Variants in ABCA4 observed in about 807,000 individuals in gnomAD.
ABCA4 encodes ATP binding cassette subfamily A member 4.
A neutral mutation model predicts 263.7 loss-of-function variants in ABCA4; 196 were observed. That is an observed-to-expected ratio of 0.74 (90% CI 0.66 to 0.84). ABCA4 has a LOEUF of 0.84. Among genes scored for constraint, ABCA4 ranks in the 40% least tolerant of loss-of-function variants. The probability of loss-of-function intolerance (pLI) is 0.00; values close to 1 mark genes in which losing one functional copy is unlikely to be tolerated. For missense variants in ABCA4, 2,792 were observed against 2,855.1 expected (o/e 0.98, Z 0.50); for synonymous variants, 1,133 against 1,094.2 (o/e 1.04, Z -0.70).
intron 1 of ABCA4, among the ~76,000 whole-genome samples, chr1:94,116,644 C>G (rs1662772151): frequency 6.6e-6 from 1 of 152,204 alleles, no homozygotes; most frequent in African/African-American, 2.4e-5. Context: ...CCTGACAGGT[C>G]TGGTTTTCAC....
chr1:94,001,911 G>C lies in ABCA4; in HGVS notation c.6229C>G (p.Arg2077Gly), dbSNP rs61750645. The C allele has an allele frequency of 4.3e-6, 7 of 1,614,086 alleles. No homozygotes were observed. Among genetic ancestry groups the C allele is most frequent in the African/African-American group, 2.7e-5 (2 of 74,920 alleles). The stretch of plus-strand genomic sequence containing the variant: ...AGTGCGATGGCTGTGGAGAGTTTCC[G>C]CTTGTTGCCCCCACTGTACGTGCCA... The part of the protein sequence containing the change: ...LAGTYSGGNK[R>G]KLSTAIALIG... The change falls in exon 45 of 50, where the codon CGG (arginine) becomes GGG (glycine). Residue 2077 changes from arginine to glycine, a missense_variant. Physicochemically the swap from Arg to Gly is moderately radical, Grantham distance 125 (BLOSUM62 -2). Coordinates refer to ENST00000370225, the MANE Select transcript of ABCA4 (RefSeq NM_000350.3).
chr1:94,102,987 G>C (rs888174906), intron 5 of ABCA4, 28 bp downstream of exon 5: 8 of 1,614,008 alleles, frequency 5.0e-6, no homozygotes, highest in Non-Finnish European at 6.8e-6. Flanking sequence ...TCCCCTCCAG[G>C]GACCACTGGC....
At chr1:94,069,790 C>T (rs1316078706) in intron 11 of ABCA4, among the ~76,000 whole-genome samples, 2 of 152,186 alleles carry the variant, frequency 1.3e-5, no homozygotes, top group African/African-American at 4.8e-5. Flanking sequence ...TTTTATCTTG[C>T]ACGCTGGGCA....
At chr1:94,010,681 G>T in intron 40 of ABCA4, 119 bp downstream of exon 40, 1 of 1,452,604 alleles carries the variant, frequency 6.9e-7, no homozygotes. Context: ...CAGGCTTTGA[G>T]AATGTAGAAA....
Position 94,056,800 on chromosome 1 carries a change from CTG to C in ABCA4, c.2181_2182del (p.Tyr727Ter). The C allele has an allele frequency of 6.2e-7, 1 of 1,608,608 alleles. No homozygotes were observed. Among genetic ancestry groups the C allele is most frequent in the Non-Finnish European group, 8.5e-7 (1 of 1,177,276 alleles). ...GAACAGGAAGAGGATGAATGGGTCG[CTG>C]TAATGTAGGATTCTTCCATGCTGAA... On this transcript the variant is annotated stop_gained and frameshift_variant, in exon 15 of 50. Transcript: ENST00000370225. LOFTEE classifies it high-confidence loss of function.
chr1:94,036,349 T>C (rs1660334774), intron 26 of ABCA4, among the ~76,000 whole-genome samples: 1 of 151,014 alleles, frequency 6.6e-6, no homozygotes, highest in Admixed American at 6.6e-5. Flanking sequence ...AGTATTTGCC[T>C]GCTTTGTTGT....
At chr1:94,031,268 T>C (rs1432293339) in intron 27 of ABCA4, 148 bp from the exon 28 acceptor site, 3 of 1,106,872 alleles carry the variant, frequency 2.7e-6, no homozygotes, top group East Asian at 2.6e-5. Flanking sequence ...TGGGGGAACA[T>C]AATAAGCAGG....
chr1:94,062,786 C>G (rs182370278), intron 12 of ABCA4, 33 bp from the exon 13 acceptor site: 19 of 1,608,618 alleles, frequency 1.2e-5, no homozygotes, highest in Middle Eastern at 1.6e-4. Context: ...AGGATGGGAA[C>G]GGGCTTGGAT....
intron 11 of ABCA4, among the ~76,000 whole-genome samples, chr1:94,076,209 G>T (rs1236988440): frequency 6.6e-6 from 1 of 152,172 alleles, no homozygotes; most frequent in Non-Finnish European, 1.5e-5. Context: ...AGTACACAGG[G>T]GTGGGTACAG....
intron 5 of ABCA4, among the ~76,000 whole-genome samples, chr1:94,100,898 C>T (rs1009635107): frequency 6.6e-6 from 1 of 152,194 alleles, no homozygotes. Flanking sequence ...AGCCCCGGAA[C>T]TGGATGGAGG....
chr1:94,043,368 T>C lies in ABCA4; in HGVS notation c.3158A>G (p.His1053Arg). The C allele has an allele frequency of 1.2e-6, 2 of 1,614,124 alleles. No individual in the cohort carries two copies. Among genetic ancestry groups the C allele is most frequent in the African/African-American group, 1.3e-5 (1 of 75,014 alleles). ...EAMLEDTGLH[H>R]KRNEEAQDLS... ...GTCCTGAGCCTCTTCATTCCGCTTG[T>C]GGTGGAGGCCTGTGTCCTCCAACAT... The change falls in exon 21 of 50, where the codon CAC becomes CGC. Residue 1053 changes from histidine to arginine, a missense_variant. Physicochemically the swap from His to Arg is conservative, Grantham distance 29. Transcript: ENST00000370225.
chr1:94,030,634 A>AGCATTCGGTGCCT, intron 28 of ABCA4, 108 bp from the exon 29 acceptor site: 1 of 1,106,306 alleles, frequency 9.0e-7, no homozygotes, highest in Non-Finnish European at 1.4e-6. Context: ...TATTGGAGGC[A>AGCATTCGGTGCCT]CCGAATGCTG....
At chr1:94,052,219 C>T (rs1660858014) in intron 16 of ABCA4, among the ~76,000 whole-genome samples, 1 of 152,182 alleles carries the variant, frequency 6.6e-6, no homozygotes. Context: ...GTAGGAATTC[C>T]AACACAGGTA....
At chr1:94,002,255 C>A (rs1344110282) in intron 44 of ABCA4, among the ~76,000 whole-genome samples, 1 of 152,202 alleles carries the variant, frequency 6.6e-6, no homozygotes, top group Non-Finnish European at 1.5e-5. Context: ...GGACTTCAGC[C>A]TTACAAAGAG....
chr1:94,026,783 C>T (rs1344052029), intron 30 of ABCA4, among the ~76,000 whole-genome samples: 1 of 152,174 alleles, frequency 6.6e-6, no homozygotes, highest in Non-Finnish European at 1.5e-5. Flanking sequence ...TAGAGATGAC[C>T]ACATTGCCCC....
At chr1:94,062,891 T>C in intron 12 of ABCA4, 138 bp from the exon 13 acceptor site, 2 of 1,090,684 alleles carry the variant, frequency 1.8e-6, no homozygotes, top group Non-Finnish European at 2.7e-6. Context: ...TTCTATTTCC[T>C]AGTCCTCAGT....
chr1:94,083,439 A>C lies in ABCA4; in HGVS notation c.771T>G (p.Leu257=), dbSNP rs753463536. The change falls in exon 7 of 50, where the codon CTT becomes CTG. Residue 257 remains leucine (L), a splice_region_variant and synonymous_variant. Transcript: ENST00000370225. ...GAGAACGGCTGTCTAGGAGTGTGGG[A>C]AGCTGTAATTGACAGTAAAACAATT... ...NVDFFKLFRV[L]PTLLDSRSQG... The C allele has an allele frequency of 6.2e-7, 1 of 1,612,586 alleles. No individual in the cohort carries two copies. The highest frequency in any genetic ancestry group is 2.2e-5 in the East Asian group (1 of 44,860).
chr1:94,117,536 C>A (rs1294747932), intron 1 of ABCA4, among the ~76,000 whole-genome samples: 1 of 152,150 alleles, frequency 6.6e-6, no homozygotes, highest in Non-Finnish European at 1.5e-5. Flanking sequence ...CCAAGAGACC[C>A]ACCTAGTGAT....
intron 38 of ABCA4, among the ~76,000 whole-genome samples, chr1:94,012,737 G>T (rs12085639): frequency 6.6e-6 from 1 of 152,060 alleles, no homozygotes; most frequent in Non-Finnish European, 1.5e-5. Context: ...TCTGTCACAC[G>T]CTGTATTATG....
Sources: allele counts gnomAD v4.1 joint callset (sites outside exome capture counted in the v4.1 genomes callset), GRCh38; gene constraint gnomAD v4.1.1; transcripts MANE v1.5; gene names NCBI Gene and HGNC (gene_info 2026-07-23, HGNC 2026-07-21).